Variants in MAF observed in about 807,000 individuals in gnomAD.
MAF encodes the protein transcription factor Maf.
Under a neutral mutation model 22.0 loss-of-function variants are expected in MAF, and 10 were observed. That is an observed-to-expected ratio of 0.45 (90% confidence interval 0.28 to 0.77). MAF has a LOEUF of 0.77. Among genes scored for constraint, MAF ranks in the 30% least tolerant of loss-of-function variants. MAF has a pLI of 0.12. For synonymous variants in MAF, 337 were observed against 255.8 expected (o/e 1.32, Z -3.03); for missense variants, 544 against 548.4 (o/e 0.99, Z 0.08).
chr16:79,531,429 A>T, the MAF span, among the ~76,000 whole-genome samples: 3 of 152,102 alleles, frequency 2.0e-5, no homozygotes, highest in Admixed American at 6.5e-5. Context: ...ATTCAAACAC[A>T]TTACATTATT....
At chr16:79,514,072 G>C in the MAF span, among the ~76,000 whole-genome samples, 23 of 152,116 alleles carry the variant, frequency 1.5e-4, no homozygotes, top group African/African-American at 5.1e-4. Flanking sequence ...ATTTTAGTAA[G>C]TTTAATTTCT....
At chr16:79,351,871 G>T in the MAF span, among the ~76,000 whole-genome samples, 2 of 152,118 alleles carry the variant, frequency 1.3e-5, no homozygotes, top group East Asian at 1.9e-4. Flanking sequence ...TTCCTCCAGG[G>T]CTGCCTTTTT....
the MAF span, among the ~76,000 whole-genome samples, chr16:79,505,387 G>T: frequency 6.6e-6 from 1 of 152,122 alleles, no homozygotes; most frequent in Non-Finnish European, 1.5e-5. Context: ...TGTGAGGCTG[G>T]TTTGTCCTTG....
the MAF span, chr16:79,212,287 C>T: frequency 8.9e-7 from 1 of 1,123,066 alleles, no homozygotes; most frequent in East Asian, 2.6e-5. Context: ...AAGACTGAGC[C>T]AGCTTAGCAA....
At chr16:79,509,564 G>A in the MAF span, among the ~76,000 whole-genome samples, 5 of 152,194 alleles carry the variant, frequency 3.3e-5, no homozygotes, top group Admixed American at 6.5e-5. Context: ...CCTCCCACCC[G>A]CCTTCCCATT....
the MAF span, among the ~76,000 whole-genome samples, chr16:79,431,551 A>C: frequency 1.3e-5 from 2 of 152,196 alleles, no homozygotes; most frequent in Non-Finnish European, 2.9e-5. Context: ...TTTGGGTCTC[A>C]GTTTCTCTAT....
chr16:79,565,168 C>T, the MAF span, among the ~76,000 whole-genome samples: 116 of 152,286 alleles, frequency 7.6e-4, no homozygotes, highest in African/African-American at 2.6e-3. Context: ...CCAAAATACC[C>T]AGTTACAATC....
chr16:79,232,074 G>C, the MAF span, among the ~76,000 whole-genome samples: 1 of 151,998 alleles, frequency 6.6e-6, no homozygotes, highest in Non-Finnish European at 1.5e-5. Flanking sequence ...GTGGTAATGT[G>C]AGCAATGGGG....
chr16:79,570,708 G>T, the MAF span, among the ~76,000 whole-genome samples: 2 of 152,162 alleles, frequency 1.3e-5, no homozygotes, highest in African/African-American at 2.4e-5. Context: ...ATATTCCCAC[G>T]ATGGCCAATT....
the MAF span, among the ~76,000 whole-genome samples, chr16:79,438,741 C>T: frequency 6.6e-6 from 1 of 152,198 alleles, no homozygotes; most frequent in South Asian, 2.1e-4. Context: ...TGATCCCTGC[C>T]CATGTCCCAG....
In MAF at chr16:79,594,344, C is replaced by T; in HGVS notation, c.*116G>A. 3.2e-6 allele frequency: 3 copies of T among 944,510 alleles called. No homozygotes were observed. Among genetic ancestry groups the T allele is most frequent in the Non-Finnish European group, 5.0e-6 (3 of 601,684 alleles). 58.5% of individuals were successfully genotyped at this position (944,510 alleles called of 1,614,324 possible). A position where few individuals can be genotyped will look rare whatever the true frequency, so the allele number is the denominator to read the frequency against. ...CATTTAATAGCCTTCTTCTCTAACACAGTAATTTTTATTTAAAAAGGAGAC... is the reference window on the plus strand; with the variant it reads ...CATTTAATAGCCTTCTTCTCTAACATAGTAATTTTTATTTAAAAAGGAGAC... On this transcript the variant is annotated 3_prime_UTR_variant, in exon 2 of 2. Coordinates refer to ENST00000326043, the MANE Select transcript of MAF (RefSeq NM_005360.5).
the MAF span, among the ~76,000 whole-genome samples, chr16:79,465,012 G>A: frequency 6.6e-6 from 1 of 152,176 alleles, no homozygotes; most frequent in Non-Finnish European, 1.5e-5. Context: ...TGAACTTCTA[G>A]GTGGATAGTC....
the MAF span, among the ~76,000 whole-genome samples, chr16:79,299,815 C>A: frequency 6.6e-6 from 1 of 152,208 alleles, no homozygotes; most frequent in Non-Finnish European, 1.5e-5. Context: ...TTTCTCTCTC[C>A]TTTGTTGATG....
chr16:79,374,841 G>T, the MAF span, among the ~76,000 whole-genome samples: 2 of 152,160 alleles, frequency 1.3e-5, no homozygotes, highest in Non-Finnish European at 2.9e-5. Flanking sequence ...AACACAGTCC[G>T]TAACAGACCA....
the MAF span, among the ~76,000 whole-genome samples, chr16:79,226,511 G>A: frequency 4.0e-5 from 6 of 151,894 alleles, no homozygotes; most frequent in Non-Finnish European, 7.4e-5. Flanking sequence ...ATGTACCCCA[G>A]AACTTAAAGT....
chr16:79,317,860 C>G, the MAF span, among the ~76,000 whole-genome samples: 1 of 152,194 alleles, frequency 6.6e-6, no homozygotes, highest in African/African-American at 2.4e-5. Flanking sequence ...CCAGCCCCTG[C>G]TCCATTTGGA....
chr16:79,432,011 C>A, the MAF span, among the ~76,000 whole-genome samples: 75 of 151,884 alleles, frequency 4.9e-4, no homozygotes, highest in African/African-American at 1.8e-3. Context: ...ATTTCCAAAC[C>A]CTATGATGTG....
the MAF span, among the ~76,000 whole-genome samples, chr16:79,402,734 G>C: frequency 2.0e-5 from 3 of 152,178 alleles, no homozygotes; most frequent in Admixed American, 6.5e-5. Flanking sequence ...ACCAGACCAA[G>C]AGGGACAGGG....
chr16:79,412,774 A>C, the MAF span, among the ~76,000 whole-genome samples: 1 of 152,214 alleles, frequency 6.6e-6, no homozygotes, highest in East Asian at 1.9e-4. Flanking sequence ...AAGCTGTCCT[A>C]AAGGACAGAG....
Sources: gnomAD v4.1 joint callset for allele counts (sites outside exome capture counted in the v4.1 genomes callset) on GRCh38, gnomAD v4.1.1 for gene constraint, MANE v1.5 for transcripts, NCBI Gene and HGNC (gene_info 2026-07-23, HGNC 2026-07-21) for gene names.